The following GRIK2 variants were observed in gnomAD, a reference collection of about 807,000 sequenced individuals.
GRIK2 encodes the protein glutamate ionotropic receptor kainate type subunit 2.
Under a neutral mutation model 100.3 loss-of-function variants are expected in GRIK2, and 32 were observed. That is an observed-to-expected ratio of 0.32 (90% CI 0.24 to 0.43). The LOEUF is 0.43. Ranked by LOEUF, GRIK2 falls within the 20% of genes least tolerant of loss-of-function variation. The pLI, the probability that GRIK2 is intolerant of heterozygous loss-of-function variation, is 1.00. For synonymous variants in GRIK2, 417 were observed against 389.4 expected (o/e 1.07, Z -0.83); for missense variants, 843 against 1,114.9 (o/e 0.76, Z 3.47).
At chr6:101,909,562 G>A (rs1209728316) in intron 12 of GRIK2, among the ~76,000 whole-genome samples, 1 of 150,680 alleles carries the variant, frequency 6.6e-6, no homozygotes, top group African/African-American at 2.4e-5. Flanking sequence ...GGACTTCTTG[G>A]CCTTCTTTCG....
At chr6:101,892,703 G>T (rs528939824) in intron 12 of GRIK2, among the ~76,000 whole-genome samples, 2 of 151,750 alleles carry the variant, frequency 1.3e-5, no homozygotes, top group African/African-American at 2.4e-5. Context: ...AATAGATATT[G>T]CATTAAGTAA....
rs116073419 is a variant in GRIK2, at chr6:101,426,657, T to C, written c.115+27265T>C. Reference sequence around the variant, plus strand: ...CAGAGGATCTACTGTCTACAGGCACTCAAATGGTGTAGCCCCTGTCATATT... The same window carrying C: ...CAGAGGATCTACTGTCTACAGGCACCCAAATGGTGTAGCCCCTGTCATATT... On this transcript the variant is annotated intron_variant, in intron 2 of 16. Coordinates refer to ENST00000369134, the MANE Select transcript of GRIK2 (RefSeq NM_021956.5). Among the ~76,000 whole-genome samples, 368 of 152,290 alleles carry C rather than the reference T, an allele frequency of 2.4e-3. 2 individuals carry two copies. Among genetic ancestry groups the C allele is most frequent in the African/African-American group, 8.5e-3 (354 of 41,558 alleles).
intron 4 of GRIK2, among the ~76,000 whole-genome samples, chr6:101,641,217 C>T (rs1781264031): frequency 6.6e-6 from 1 of 151,936 alleles, no homozygotes; most frequent in Non-Finnish European, 1.5e-5. Flanking sequence ...AATAGTTTTA[C>T]TTTTTAACTT....
chr6:102,017,517 T>C (rs1311375200), intron 14 of GRIK2, among the ~76,000 whole-genome samples: 1 of 152,164 alleles, frequency 6.6e-6, no homozygotes, highest in Non-Finnish European at 1.5e-5. Flanking sequence ...GTTTGTTATC[T>C]GTCCTGCTTT....
intron 10 of GRIK2, among the ~76,000 whole-genome samples, chr6:101,842,607 A>G (rs1783581884): frequency 6.6e-6 from 1 of 152,144 alleles, no homozygotes; most frequent in Non-Finnish European, 1.5e-5. Flanking sequence ...TATTCAAAAA[A>G]CTTTTTTTTA....
intron 2 of GRIK2, among the ~76,000 whole-genome samples, chr6:101,532,216 G>A (rs1349235115): frequency 6.6e-6 from 1 of 151,772 alleles, no homozygotes; most frequent in African/African-American, 2.4e-5. Flanking sequence ...TTTGAAGCTG[G>A]TTACTTCCTT....
At chr6:101,684,191 A>G (rs1027852649) in intron 6 of GRIK2, among the ~76,000 whole-genome samples, 1 of 152,170 alleles carries the variant, frequency 6.6e-6, no homozygotes, top group Non-Finnish European at 1.5e-5. Flanking sequence ...GTGGGGGTGG[A>G]GAGGAAGTGA....
intron 11 of GRIK2, among the ~76,000 whole-genome samples, chr6:101,888,531 T>C (rs1308965790): frequency 2.0e-5 from 3 of 152,182 alleles, no homozygotes; most frequent in Non-Finnish European, 4.4e-5. Flanking sequence ...TCCTAGTTTT[T>C]AGAGAAATAT....
intron 4 of GRIK2, among the ~76,000 whole-genome samples, chr6:101,672,819 C>T (rs1770542191): frequency 6.6e-6 from 1 of 152,120 alleles, no homozygotes; most frequent in Non-Finnish European, 1.5e-5. Flanking sequence ...TGTATATGTA[C>T]CACATTTTCT....
At chr6:101,733,025 T>A (rs1187358852) in intron 7 of GRIK2, among the ~76,000 whole-genome samples, 1 of 152,090 alleles carries the variant, frequency 6.6e-6, no homozygotes, top group Non-Finnish European at 1.5e-5. Context: ...CTCTACATAC[T>A]ACCACATTGG....
intron 11 of GRIK2, among the ~76,000 whole-genome samples, chr6:101,873,989 GA>G (rs1428413783): frequency 7.2e-5 from 11 of 152,084 alleles, no homozygotes; most frequent in Non-Finnish European, 1.6e-4. Flanking sequence ...GTAGATTCTG[GA>G]TATTAGCCCT....
intron 10 of GRIK2, among the ~76,000 whole-genome samples, chr6:101,820,025 C>T (rs1781860141): frequency 2.0e-5 from 3 of 152,196 alleles, no homozygotes; most frequent in South Asian, 4.1e-4. Flanking sequence ...TCTTCACTTC[C>T]CATTATTTTC....
chr6:101,521,067 A>C (rs980159423), intron 2 of GRIK2, among the ~76,000 whole-genome samples: 1 of 152,084 alleles, frequency 6.6e-6, no homozygotes, highest in African/African-American at 2.4e-5. Context: ...TTATTTACCT[A>C]ATTATGTATA....
chr6:101,966,190 C>T (rs1191429653), intron 14 of GRIK2, among the ~76,000 whole-genome samples: 2 of 151,938 alleles, frequency 1.3e-5, no homozygotes, highest in South Asian at 2.1e-4. Context: ...AATTATTCTC[C>T]CCTATGAAAC....
chr6:101,420,753 C>G (rs908927949), intron 2 of GRIK2, among the ~76,000 whole-genome samples: 4 of 152,176 alleles, frequency 2.6e-5, no homozygotes, highest in Admixed American at 6.5e-5. Context: ...TTCTTACCCT[C>G]AGAGAGCTTA....
chr6:101,615,775 C>T (rs542317221), intron 2 of GRIK2, among the ~76,000 whole-genome samples: 1 of 151,760 alleles, frequency 6.6e-6, no homozygotes, highest in Non-Finnish European at 1.5e-5. Flanking sequence ...GAACAATTAT[C>T]CTTTTGCAGG....
chr6:101,520,547 A>G (rs1309219255), intron 2 of GRIK2, among the ~76,000 whole-genome samples: 2 of 152,044 alleles, frequency 1.3e-5, no homozygotes. Context: ...AACAATCAAA[A>G]CATTGGTTGT....
At chr6:101,907,593 A>G (rs1435923229) in intron 12 of GRIK2, among the ~76,000 whole-genome samples, 1 of 151,772 alleles carries the variant, frequency 6.6e-6, no homozygotes, top group Non-Finnish European at 1.5e-5. Context: ...AACTGTAAGT[A>G]AAGTTCAAAG....
At chr6:101,575,133 T>C (rs1021940968) in intron 2 of GRIK2, among the ~76,000 whole-genome samples, 3 of 151,828 alleles carry the variant, frequency 2.0e-5, no homozygotes, top group African/African-American at 4.8e-5. Flanking sequence ...TTTATTTTCA[T>C]TATTTTCAAA....
Sources: gnomAD v4.1 joint callset for allele counts (sites outside exome capture counted in the v4.1 genomes callset) on GRCh38, gnomAD v4.1.1 for gene constraint, MANE v1.5 for transcripts, NCBI Gene and HGNC (gene_info 2026-07-23, HGNC 2026-07-21) for gene names.